CSMD3: variants seen among roughly 807,000 people sequenced by gnomAD.
CSMD3 encodes CUB and Sushi multiple domains 3.
Under a neutral mutation model 435.2 loss-of-function variants are expected in CSMD3, and 177 were observed. That is an observed-to-expected ratio of 0.41 (90% CI 0.36 to 0.46). The LOEUF (loss-of-function observed/expected upper bound fraction) is 0.46. Ranked by LOEUF, CSMD3 falls within the 20% of genes least tolerant of loss-of-function variation. The pLI, the probability that CSMD3 is intolerant of heterozygous loss-of-function variation, is 0.34. For synonymous variants in CSMD3, 1,656 were observed against 1,520.5 expected, an observed-to-expected ratio of 1.09 and a Z score of -2.07; for missense variants, 4,265 against 4,504.6, an observed-to-expected ratio of 0.95 and a Z score of 1.52.
chr8:112,859,383 A>G (rs2080760807), intron 10 of CSMD3, 117 bp from the exon 11 acceptor site: 7 of 850,498 alleles, frequency 8.2e-6, no homozygotes, highest in Admixed American at 2.0e-5. Flanking sequence ...CCACATTGAA[A>G]TATATATTAT....
chr8:112,608,341 C>T (rs945652626), intron 22 of CSMD3, among the ~76,000 whole-genome samples: 7 of 152,098 alleles, frequency 4.6e-5, no homozygotes, highest in East Asian at 1.9e-4. Context: ...GGTGAGAAGA[C>T]TTAATATTGT....
intron 13 of CSMD3, among the ~76,000 whole-genome samples, chr8:112,705,534 GC>G: frequency 6.6e-6 from 1 of 151,862 alleles, no homozygotes; most frequent in Non-Finnish European, 1.5e-5. Flanking sequence ...AAATTTACAT[GC>G]TTTTTCTCCC....
At chr8:112,516,770 G>T (rs1823712434) in intron 28 of CSMD3, among the ~76,000 whole-genome samples, 1 of 152,106 alleles carries the variant, frequency 6.6e-6, no homozygotes, top group Non-Finnish European at 1.5e-5. Context: ...TAAATAAAGG[G>T]TGATATAATT....
chr8:112,978,600 C>A (rs896783079), intron 6 of CSMD3, among the ~76,000 whole-genome samples: 1 of 151,974 alleles, frequency 6.6e-6, no homozygotes, highest in Non-Finnish European at 1.5e-5. Context: ...AGATTCAGTA[C>A]TATTCCCTTA....
At chr8:113,420,652 A>T (rs2094604789) in intron 1 of CSMD3, among the ~76,000 whole-genome samples, 2 of 152,272 alleles carry the variant, frequency 1.3e-5, no homozygotes, top group Admixed American at 1.3e-4. Flanking sequence ...ATATAAAGTA[A>T]GAAATATTAA....
chr8:112,980,983 G>C (rs1031402664), intron 6 of CSMD3, among the ~76,000 whole-genome samples: 1 of 151,322 alleles, frequency 6.6e-6, no homozygotes, highest in Non-Finnish European at 1.5e-5. Flanking sequence ...TTGATTAACT[G>C]TTATTAAGTA....
At chr8:113,122,995 C>T (rs1352803986) in intron 4 of CSMD3, among the ~76,000 whole-genome samples, 9 of 151,110 alleles carry the variant, frequency 6.0e-5, no homozygotes, top group African/African-American at 1.9e-4. Context: ...CACCCATGGG[C>T]TTACACAATT....
intron 1 of CSMD3, among the ~76,000 whole-genome samples, chr8:113,434,684 A>G (rs1404024094): frequency 6.6e-6 from 1 of 152,208 alleles, no homozygotes; most frequent in African/African-American, 2.4e-5. Flanking sequence ...AGGCTATGAC[A>G]TACTCTTCCT....
At chr8:113,207,072 T>C (rs1368389207) in intron 3 of CSMD3, among the ~76,000 whole-genome samples, 1 of 152,174 alleles carries the variant, frequency 6.6e-6, no homozygotes, top group Non-Finnish European at 1.5e-5. Context: ...GTGGTCCATG[T>C]ATCTGCATGT....
chr8:112,833,366 T>C (rs1385249267), intron 11 of CSMD3, among the ~76,000 whole-genome samples: 2 of 151,970 alleles, frequency 1.3e-5, no homozygotes, highest in African/African-American at 4.8e-5. Context: ...AAAATGCTTT[T>C]TGTTATTGAA....
At chr8:113,291,342 A>G (rs986272054) in intron 2 of CSMD3, among the ~76,000 whole-genome samples, 1 of 151,836 alleles carries the variant, frequency 6.6e-6, no homozygotes, top group African/African-American at 2.4e-5. Flanking sequence ...TCATCATAAT[A>G]TTTCAATCAT....
At chr8:113,083,316 C>T (rs933848966) in intron 5 of CSMD3, among the ~76,000 whole-genome samples, 12 of 151,628 alleles carry the variant, frequency 7.9e-5, no homozygotes, top group African/African-American at 2.2e-4. Context: ...CCTTATAAGC[C>T]GGGAGAGAAT....
intron 36 of CSMD3, among the ~76,000 whole-genome samples, chr8:112,385,934 A>C (rs1385915403): frequency 6.6e-6 from 1 of 152,134 alleles, no homozygotes; most frequent in African/African-American, 2.4e-5. Context: ...GAACCTCTAA[A>C]TACTACCGTA....
At chr8:113,072,868 C>T (rs1032074200) in intron 5 of CSMD3, among the ~76,000 whole-genome samples, 2 of 151,680 alleles carry the variant, frequency 1.3e-5, no homozygotes, top group African/African-American at 2.4e-5. Context: ...TTGTTCTTAT[C>T]ATCACCCACG....
intron 1 of CSMD3, among the ~76,000 whole-genome samples, chr8:113,337,700 G>A (rs1215884808): frequency 6.6e-6 from 1 of 152,030 alleles, no homozygotes; most frequent in East Asian, 1.9e-4. Flanking sequence ...AAGATCAGGA[G>A]TGAAGTTTTG....
chr8:113,153,874 G>T (rs964447490), intron 4 of CSMD3, among the ~76,000 whole-genome samples: 1 of 151,768 alleles, frequency 6.6e-6, no homozygotes, highest in Admixed American at 6.6e-5. Context: ...CATAAATACT[G>T]AATTAGATGA....
chr8:113,355,085 A>G (rs181783316), intron 1 of CSMD3, among the ~76,000 whole-genome samples: 33 of 152,358 alleles, frequency 2.2e-4, no homozygotes, highest in African/African-American at 7.7e-4. Context: ...AAATTAGGTT[A>G]AAAACAATAC....
intron 1 of CSMD3, among the ~76,000 whole-genome samples, chr8:113,388,897 C>CA (rs1259512675): frequency 6.6e-6 from 1 of 151,526 alleles, no homozygotes; most frequent in East Asian, 1.9e-4. Context: ...GCCTCTAAAG[C>CA]ACCATGGGAA....
chr8:113,146,819 A>T (rs2131758169), intron 4 of CSMD3, among the ~76,000 whole-genome samples: 1 of 151,828 alleles, frequency 6.6e-6, no homozygotes, highest in Non-Finnish European at 1.5e-5. Context: ...TAGGAATATG[A>T]AAAAGATTAT....
Sources: allele counts gnomAD v4.1 joint callset (sites outside exome capture counted in the v4.1 genomes callset), GRCh38; gene constraint gnomAD v4.1.1; transcripts MANE v1.5; gene names NCBI Gene and HGNC (gene_info 2026-07-23, HGNC 2026-07-21).